Variants in CDK14 observed in about 807,000 individuals in gnomAD.
CDK14 encodes the protein cyclin-dependent kinase 14.
Under a neutral mutation model 60.7 loss-of-function variants are expected in CDK14, and 34 were observed. The observed-to-expected ratio is 0.56, with a 90% CI of 0.43 to 0.75. The LOEUF is 0.75. Among genes scored for constraint, CDK14 ranks in the 30% least tolerant of loss-of-function variants. The probability of loss-of-function intolerance (pLI) is 0.00; values close to 1 mark genes in which losing one functional copy is unlikely to be tolerated. For missense variants in CDK14, 482 were observed against 564.1 expected (o/e 0.85, Z 1.47); for synonymous variants, 197 against 203.7 (o/e 0.97, Z 0.28).
intron 14 of CDK14, among the ~76,000 whole-genome samples, chr7:91,195,476 T>C (rs1802507008): frequency 6.6e-6 from 1 of 152,204 alleles, no homozygotes; most frequent in South Asian, 2.1e-4. Flanking sequence ...TTCTGATGTA[T>C]GAAAATGTCC....
At chr7:90,728,063 A>AT (rs1802706154) in intron 3 of CDK14, among the ~76,000 whole-genome samples, 1 of 152,024 alleles carries the variant, frequency 6.6e-6, no homozygotes, top group African/African-American at 2.4e-5. Flanking sequence ...TTAGAAAATA[A>AT]TTTTTTCTTA....
At chr7:91,121,921 A>G (rs1013735334) in intron 14 of CDK14, among the ~76,000 whole-genome samples, 1 of 152,220 alleles carries the variant, frequency 6.6e-6, no homozygotes, top group South Asian at 2.1e-4. Context: ...ATGCAGTGAT[A>G]CCAAACACAT....
chr7:90,721,187 A>G (rs189926328), intron 2 of CDK14, among the ~76,000 whole-genome samples: 189 of 151,472 alleles, frequency 1.2e-3, no homozygotes, highest in African/African-American at 4.4e-3. Flanking sequence ...TTCTTTCTAC[A>G]CTCATGCTGC....
chr7:90,663,881 A>T (rs575371261), intron 2 of CDK14, among the ~76,000 whole-genome samples: 31 of 152,260 alleles, frequency 2.0e-4, no homozygotes, highest in Non-Finnish European at 3.7e-4. Flanking sequence ...CATATTTTAT[A>T]TTTTCCTTAA....
In CDK14 at chr7:90,984,126, C is replaced by T. The variant is rs778029517; in HGVS notation, c.948-22C>T. The T allele has an allele frequency of 2.2e-5, 33 of 1,497,628 alleles. No homozygotes were observed. In the Admixed American group the frequency reaches 2.9e-4, roughly 13 times the overall value. 92.8% of individuals were successfully genotyped at this position (1,497,628 alleles called of 1,614,324 possible). A position where few individuals can be genotyped will look rare whatever the true frequency, so the allele number is the denominator to read the frequency against. ...AGCAGAATATATTGAAGTTTTGTAA[C>T]GATTCTTTCTTCTCTCTCTAGGGGA... On this transcript the variant is annotated intron_variant, in intron 9 of 14. Coordinates refer to ENST00000380050, the MANE Select transcript of CDK14 (RefSeq NM_001287135.2).
rs73403542 is a variant in CDK14, at chr7:90,879,970, G to A, written c.639+16701G>A. Among the ~76,000 whole-genome samples, 462 of 152,274 alleles carry A rather than the reference G, an allele frequency of 3.0e-3. 5 individuals carry two copies. The highest frequency in any genetic ancestry group is 0.01 in the African/African-American group (424 of 41,564). ...CACAGAACTGTGCAACCCACCAATCGGAAGATCCCACTTGTGAACCCATGC... is the reference window on the plus strand; with the variant it reads ...CACAGAACTGTGCAACCCACCAATCAGAAGATCCCACTTGTGAACCCATGC... On this transcript the variant is annotated intron_variant, in intron 6 of 14. Transcript: ENST00000380050.
At chr7:90,998,080 C>T (rs2115732155) in intron 10 of CDK14, among the ~76,000 whole-genome samples, 1 of 152,262 alleles carries the variant, frequency 6.6e-6, no homozygotes, top group African/African-American at 2.4e-5. Context: ...TGGCTCATCT[C>T]ATTATTTTGA....
chr7:91,195,986 C>A (rs140861649), intron 14 of CDK14, among the ~76,000 whole-genome samples: 48 of 152,320 alleles, frequency 3.2e-4, no homozygotes, highest in Middle Eastern at 3.4e-3. Flanking sequence ...GAGTCCTTGC[C>A]TGTGCAAGAA....
intron 9 of CDK14, among the ~76,000 whole-genome samples, chr7:90,963,086 AGTGTGT>A (rs34662049): frequency 0.19 from 26,475 of 141,914 alleles, 2,947 homozygotes; most frequent in Middle Eastern, 0.26. Flanking sequence ...TCATCTTAAG[AGTGTGT>A]GTGTGTGTGT....
chr7:90,906,972 A>G (rs1224928852), intron 7 of CDK14, among the ~76,000 whole-genome samples: 8 of 152,112 alleles, frequency 5.3e-5, no homozygotes, highest in Non-Finnish European at 8.8e-5. Flanking sequence ...AAATGTGTCT[A>G]TTATCAGTAT....
intron 10 of CDK14, among the ~76,000 whole-genome samples, chr7:90,989,001 A>AGTGTGTGTGTGTGT (rs10696275): frequency 8.7e-4 from 131 of 149,850 alleles, no homozygotes; most frequent in Admixed American, 4.8e-3. Context: ...TTTGTGTGTG[A>AGTGTGTGTGTGTGT]GTGTGTGTGT....
chr7:90,642,745 A>G (rs1321872615), intron 2 of CDK14, among the ~76,000 whole-genome samples: 1 of 151,808 alleles, frequency 6.6e-6, no homozygotes, highest in Non-Finnish European at 1.5e-5. Context: ...GGTTGAACCA[A>G]TTTTTCTCAT....
chr7:91,174,547 T>C (rs1418405299), intron 14 of CDK14, among the ~76,000 whole-genome samples: 4 of 149,294 alleles, frequency 2.7e-5, no homozygotes, highest in African/African-American at 9.8e-5. Flanking sequence ...GCAAAGAAGT[T>C]GAAAACTTTG....
chr7:91,103,844 A>AGAGAGAGAGAGAG (rs1562905796), intron 12 of CDK14, among the ~76,000 whole-genome samples: 27 of 144,912 alleles, frequency 1.9e-4, no homozygotes, highest in African/African-American at 6.3e-4. Flanking sequence ...GAGAGAGAGA[A>AGAGAGAGAGAGAG]AGAGAGAGAG....
At chr7:91,186,102 TCTCCCCTCCCCTCCCCTCTC>T (rs1802168664) in intron 14 of CDK14, among the ~76,000 whole-genome samples, 1 of 132,484 alleles carries the variant, frequency 7.5e-6, no homozygotes. Context: ...CTGTCTTCCT[TCTCCCCTCCCCTCCCCTCTC>T]CTCTCCTCCC....
chr7:90,938,112 C>T (rs1326334910), intron 8 of CDK14, among the ~76,000 whole-genome samples: 1 of 152,174 alleles, frequency 6.6e-6, no homozygotes, highest in Non-Finnish European at 1.5e-5. Flanking sequence ...CTAAATCATA[C>T]CACTAACTGA....
chr7:91,057,716 A>G (rs1362210329), intron 11 of CDK14, among the ~76,000 whole-genome samples: 1 of 152,192 alleles, frequency 6.6e-6, no homozygotes, highest in Non-Finnish European at 1.5e-5. Context: ...AGATAGTTGT[A>G]GATATGCGAC....
intron 5 of CDK14, among the ~76,000 whole-genome samples, chr7:90,809,732 TAAA>T (rs1253513366): frequency 1.3e-5 from 2 of 151,630 alleles, no homozygotes; most frequent in East Asian, 1.9e-4. Flanking sequence ...GTAAGACTAA[TAAA>T]GAAGAAAAGA....
At chr7:90,994,824 G>C (rs1395165719) in intron 10 of CDK14, among the ~76,000 whole-genome samples, 3 of 152,330 alleles carry the variant, frequency 2.0e-5, no homozygotes, top group Admixed American at 1.3e-4. Flanking sequence ...TACTGCCATA[G>C]TGTGACACAT....
Sources: allele counts gnomAD v4.1 joint callset (sites outside exome capture counted in the v4.1 genomes callset), GRCh38; gene constraint gnomAD v4.1.1; transcripts MANE v1.5; gene names NCBI Gene and HGNC (gene_info 2026-07-23, HGNC 2026-07-21).